ALCAM: variants seen among roughly 807,000 people sequenced by gnomAD.
The protein encoded by ALCAM is CD166 antigen.
In ALCAM, 30 loss-of-function variants were observed where a neutral mutation model predicts 70.9. That is an observed-to-expected ratio of 0.42 (90% CI 0.32 to 0.57). The LOEUF (loss-of-function observed/expected upper bound fraction) is 0.57, where lower values mean the gene tolerates loss of function less well. ALCAM is among the 20% of genes least tolerant of loss of function. The probability of loss-of-function intolerance (pLI) is 0.11; values close to 1 mark genes in which losing one functional copy is unlikely to be tolerated. For missense variants in ALCAM, 591 were observed against 695.1 expected (o/e 0.85, Z 1.68); for synonymous variants, 249 against 242.5 (o/e 1.03, Z -0.25).
At chr3:105,495,681 G>A (rs545516522) in intron 1 of ALCAM, among the ~76,000 whole-genome samples, 1 of 152,240 alleles carries the variant, frequency 6.6e-6, no homozygotes, top group East Asian at 1.9e-4. Context: ...CACGCACTCA[G>A]AATCCGTTTA....
chr3:105,569,197 G>A (rs1940809530), intron 14 of ALCAM, among the ~76,000 whole-genome samples: 1 of 151,338 alleles, frequency 6.6e-6, no homozygotes, highest in South Asian at 2.1e-4. Context: ...TTAATGAAGT[G>A]AGTTTAAAAG....
intron 5 of ALCAM, among the ~76,000 whole-genome samples, chr3:105,534,433 T>C (rs1028899445): frequency 7.2e-5 from 11 of 152,188 alleles, no homozygotes; most frequent in Non-Finnish European, 1.3e-4. Flanking sequence ...GTATATGGCA[T>C]GATCTAGAAG....
At chr3:105,457,232 G>T (rs35616213) in intron 1 of ALCAM, among the ~76,000 whole-genome samples, 39,687 of 152,014 alleles carry the variant, frequency 0.26, 5,660 homozygotes, top group Admixed American at 0.45. Context: ...ATATGATCTT[G>T]TTCTTTTCTG....
At chr3:105,477,034 G>A (rs547512508) in intron 1 of ALCAM, among the ~76,000 whole-genome samples, 2 of 152,104 alleles carry the variant, frequency 1.3e-5, no homozygotes, top group Non-Finnish European at 2.9e-5. Context: ...TGCCACCACC[G>A]TGTAAGAAGT....
intron 1 of ALCAM, among the ~76,000 whole-genome samples, chr3:105,515,405 C>T (rs1249917321): frequency 6.6e-6 from 1 of 151,990 alleles, no homozygotes; most frequent in African/African-American, 2.4e-5. Context: ...TATCCCTTAG[C>T]TTGTGTTCAG....
At chr3:105,380,646 T>A (rs1935494513) in intron 1 of ALCAM, among the ~76,000 whole-genome samples, 1 of 151,952 alleles carries the variant, frequency 6.6e-6, no homozygotes, top group Non-Finnish European at 1.5e-5. Context: ...ATTTTTAAAT[T>A]TGAAATGGAA....
In ALCAM at chr3:105,541,715, C is replaced by T; in HGVS notation, c.941C>T (p.Ser314Phe). 6.2e-7 allele frequency: 1 copy of T among 1,612,252 alleles called. No individual in the cohort carries two copies. The highest frequency in any genetic ancestry group is 8.5e-7 in the Non-Finnish European group (1 of 1,178,840). ...RRNATGDYKC[S>F]LIDKKSMIAS... ...AATGCAACAGGAGACTACAAGTGTT[C>T]CCTGATAGACAAAAAAAGCATGATT... is the stretch of plus-strand genomic sequence containing the variant. The change falls in exon 8 of 16, where the codon TCC becomes TTC. Residue 314 changes from serine (S) to phenylalanine (F), a missense_variant. This residue lies in a region of ALCAM where 427 missense variants were observed against 450.4 expected (regional missense o/e 0.95). Transcript: ENST00000306107.
chr3:105,496,892 A>T (rs965744290), intron 1 of ALCAM, among the ~76,000 whole-genome samples: 1 of 151,502 alleles, frequency 6.6e-6, no homozygotes, highest in African/African-American at 2.4e-5. Flanking sequence ...ACGTACAGAA[A>T]AGAGACGAAA....
At chr3:105,460,571 C>A (rs910091620) in intron 1 of ALCAM, among the ~76,000 whole-genome samples, 36 of 151,924 alleles carry the variant, frequency 2.4e-4, no homozygotes, top group Admixed American at 2.3e-3. Context: ...TGGTGGGATT[C>A]TCTTAATTTC....
intron 8 of ALCAM, 141 bp downstream of exon 8, chr3:105,541,906 G>T: frequency 1.8e-6 from 2 of 1,090,448 alleles, no homozygotes; most frequent in Non-Finnish European, 1.3e-6. Context: ...AGAAAGCATC[G>T]GGATAAGCTC....
At chr3:105,459,059 G>A (rs527307037) in intron 1 of ALCAM, among the ~76,000 whole-genome samples, 13 of 152,166 alleles carry the variant, frequency 8.5e-5, no homozygotes, top group East Asian at 5.8e-4. Flanking sequence ...CAACACATGC[G>A]AAATCTTTCC....
chr3:105,420,045 G>A (rs151058409), intron 1 of ALCAM, among the ~76,000 whole-genome samples: 354 of 151,724 alleles, frequency 2.3e-3, no homozygotes, highest in African/African-American at 8.1e-3. Context: ...TAAAAAAACC[G>A]TTTTGGAATT....
intron 1 of ALCAM, among the ~76,000 whole-genome samples, chr3:105,446,279 A>G (rs527996804): frequency 6.6e-6 from 1 of 152,300 alleles, no homozygotes; most frequent in East Asian, 1.9e-4. Context: ...ATGAGATATC[A>G]CCTCACTCTG....
At chr3:105,370,444 T>C (rs1935197018) in intron 1 of ALCAM, among the ~76,000 whole-genome samples, 1 of 152,154 alleles carries the variant, frequency 6.6e-6, no homozygotes. Flanking sequence ...CTTTTTGAGC[T>C]TCAGTTTTCT....
At chr3:105,377,494 A>G (rs1935407558) in intron 1 of ALCAM, among the ~76,000 whole-genome samples, 1 of 152,056 alleles carries the variant, frequency 6.6e-6, no homozygotes, top group Non-Finnish European at 1.5e-5. Flanking sequence ...CTCTTCATAA[A>G]TCTGTACTAT....
chr3:105,398,075 G>A (rs562782501), intron 1 of ALCAM, among the ~76,000 whole-genome samples: 1 of 152,206 alleles, frequency 6.6e-6, no homozygotes, highest in East Asian at 1.9e-4. Context: ...TAAAACATAG[G>A]TTGTTGGGCT....
intron 1 of ALCAM, among the ~76,000 whole-genome samples, chr3:105,463,865 A>G (rs1474739627): frequency 6.6e-6 from 1 of 151,440 alleles, no homozygotes; most frequent in East Asian, 1.9e-4. Context: ...AAGGAATGCA[A>G]TTTCCTAGGA....
rs1355625027 is a variant in ALCAM at position 105,386,083 on chromosome 3, C to T, written c.73+18602C>T. Among the ~76,000 whole-genome samples, 4 of 151,538 alleles carry T rather than the reference C, an allele frequency of 2.6e-5. No homozygotes were observed. The East Asian group carries it at 7.8e-4, about 29-fold the overall frequency. On this transcript the variant is annotated intron_variant, in intron 1 of 15. Transcript: ENST00000306107. ...TGGTGGGCCTGAAATAAGACTTGGG[C>T]AGTGAGCATCTGCTTCTCTTCACCC...
intron 2 of ALCAM, among the ~76,000 whole-genome samples, chr3:105,520,379 A>G (rs1310467816): frequency 2.0e-5 from 3 of 152,254 alleles, no homozygotes; most frequent in Admixed American, 6.5e-5. Context: ...ATAAACACAT[A>G]GTTCTTAGAA....
Sources: allele counts gnomAD v4.1 joint callset (sites outside exome capture counted in the v4.1 genomes callset), GRCh38; gene constraint gnomAD v4.1.1; regional missense constraint gnomAD v4.1.1; transcripts MANE v1.5; gene names NCBI Gene and HGNC (gene_info 2026-07-23, HGNC 2026-07-21).